ZNF423: variants seen among roughly 807,000 people sequenced by gnomAD.
ZNF423 encodes the protein Ebf-associated zinc finger protein.
Under a neutral mutation model 95.8 loss-of-function variants are expected in ZNF423, and 12 were observed. The ratio of observed to expected loss-of-function variants is 0.13; its 90% CI spans 0.08 to 0.20. ZNF423 has a LOEUF of 0.20. Among genes scored for constraint, ZNF423 ranks in the 10% least tolerant of loss-of-function variants. The pLI is 1.00. For synonymous variants in ZNF423, 749 were observed against 711.9 expected (o/e 1.05, Z -0.83); for missense variants, 1,316 against 1,737.1 (o/e 0.76, Z 4.31).
intron 3 of ZNF423, among the ~76,000 whole-genome samples, chr16:49,683,887 A>G (rs1192802751): frequency 6.6e-6 from 1 of 152,164 alleles, no homozygotes; most frequent in African/African-American, 2.4e-5. Flanking sequence ...CCTGGGCAAC[A>G]TGGCAAAACC....
At chr16:49,611,558 A>G (rs781168870) in intron 5 of ZNF423, among the ~76,000 whole-genome samples, 76 of 152,154 alleles carry the variant, frequency 5.0e-4, no homozygotes, top group Admixed American at 1.4e-3. Context: ...GTCTCAAATC[A>G]TTAATTAAGC....
intron 1 of ZNF423, among the ~76,000 whole-genome samples, chr16:49,829,665 C>A (rs2035041879): frequency 6.6e-6 from 1 of 152,096 alleles, no homozygotes; most frequent in East Asian, 1.9e-4. Flanking sequence ...GCCCTACCTC[C>A]AGATTGGATT....
chr16:49,710,897 G>T (rs760457959), intron 3 of ZNF423, among the ~76,000 whole-genome samples: 2 of 152,136 alleles, frequency 1.3e-5, no homozygotes, highest in African/African-American at 2.4e-5. Flanking sequence ...CCACCCCCAG[G>T]CTTCACTTGG....
intron 3 of ZNF423, among the ~76,000 whole-genome samples, chr16:49,654,283 C>G (rs966401183): frequency 6.6e-6 from 1 of 152,256 alleles, no homozygotes; most frequent in African/African-American, 2.4e-5. Flanking sequence ...TGGGGGCCAG[C>G]TCTGCCCACC....
At chr16:49,854,558 T>C (rs2241217) in intron 1 of ZNF423, 252,798 of 985,304 alleles carry the variant, frequency 0.26, 32,712 homozygotes, top group African/African-American at 0.28. Flanking sequence ...TGGGGGCTTT[T>C]GGCTCCGTAG....
intron 1 of ZNF423, among the ~76,000 whole-genome samples, chr16:49,809,202 C>T (rs185839532): frequency 5.6e-4 from 86 of 152,334 alleles, no homozygotes; most frequent in Non-Finnish European, 9.7e-4. Context: ...CAGTTTGGCT[C>T]CCTTCGATCA....
intron 7 of ZNF423, among the ~76,000 whole-genome samples, chr16:49,516,337 A>G (rs1424571196): frequency 6.6e-6 from 1 of 152,242 alleles, no homozygotes; most frequent in Non-Finnish European, 1.5e-5. Context: ...GCAAACTCCA[A>G]GGAGAGGGAA....
intron 1 of ZNF423, among the ~76,000 whole-genome samples, chr16:49,815,719 A>G (rs1349826006): frequency 1.3e-5 from 2 of 151,512 alleles, no homozygotes; most frequent in East Asian, 3.9e-4. Context: ...CGAGGAACAG[A>G]GCACGCAGGC....
chr16:49,599,322 A>G (rs1056880047), intron 5 of ZNF423, among the ~76,000 whole-genome samples: 2 of 152,234 alleles, frequency 1.3e-5, no homozygotes, highest in African/African-American at 4.8e-5. Flanking sequence ...CACTGCAATC[A>G]GTATACAACA....
At chr16:49,576,290 G>A (rs1970498320) in intron 5 of ZNF423, among the ~76,000 whole-genome samples, 3 of 152,180 alleles carry the variant, frequency 2.0e-5, no homozygotes, top group Admixed American at 2.0e-4. Flanking sequence ...AGCTGACTGG[G>A]GTGCCTGGCC....
chr16:49,526,564 G>GT (rs1239061613), intron 5 of ZNF423, among the ~76,000 whole-genome samples: 1 of 152,192 alleles, frequency 6.6e-6, no homozygotes, highest in Non-Finnish European at 1.5e-5. Flanking sequence ...CTCATGTGCA[G>GT]TAAGATGGGG....
intron 5 of ZNF423, among the ~76,000 whole-genome samples, chr16:49,551,039 T>A (rs1969613776): frequency 6.6e-6 from 1 of 152,118 alleles, no homozygotes; most frequent in Non-Finnish European, 1.5e-5. Context: ...ATCAGCACCA[T>A]CTCTCCCCAC....
At chr16:49,613,047 A>G (rs1971776186) in intron 5 of ZNF423, among the ~76,000 whole-genome samples, 1 of 152,100 alleles carries the variant, frequency 6.6e-6, no homozygotes, top group Non-Finnish European at 1.5e-5. Context: ...ATGGAGAAAC[A>G]TACCATGTTA....
At chr16:49,700,629 G>T (rs78980724) in intron 3 of ZNF423, among the ~76,000 whole-genome samples, 2,152 of 152,338 alleles carry the variant, frequency 0.014, 42 homozygotes, top group African/African-American at 0.049. Context: ...GAACGCAGCC[G>T]CCAGCGCCCT....
intron 2 of ZNF423, among the ~76,000 whole-genome samples, chr16:49,752,454 C>G: frequency 6.6e-6 from 1 of 152,220 alleles, no homozygotes. Flanking sequence ...CCTTTCTGAC[C>G]ATAGCAACAT....
intron 5 of ZNF423, among the ~76,000 whole-genome samples, chr16:49,535,695 C>A (rs1220107615): frequency 1.3e-5 from 2 of 152,192 alleles, no homozygotes; most frequent in African/African-American, 2.4e-5. Flanking sequence ...TCCTCACACA[C>A]ATCCCCTTTT....
intron 3 of ZNF423, among the ~76,000 whole-genome samples, chr16:49,677,349 G>A (rs1253286181): frequency 5.2e-4 from 10 of 19,370 alleles, no homozygotes; most frequent in Non-Finnish European, 7.5e-4. Context: ...AGGGGAGGAG[G>A]GGAGGGGAGG....
At chr16:49,491,330 A>T (rs2151640563) in intron 7 of ZNF423, 26 bp from the exon 8 acceptor site, 1 of 1,613,900 alleles carries the variant, frequency 6.2e-7, no homozygotes, top group Non-Finnish European at 8.5e-7. Context: ...AAGGAGACAC[A>T]CATGAAGGAG....
intron 7 of ZNF423, among the ~76,000 whole-genome samples, chr16:49,504,504 C>T (rs937537395): frequency 8.5e-5 from 13 of 152,138 alleles, no homozygotes; most frequent in Non-Finnish European, 1.9e-4. Context: ...ATCACTTGAA[C>T]CCAGGAAGCG....
Sources: gnomAD v4.1 joint callset for allele counts (sites outside exome capture counted in the v4.1 genomes callset) on GRCh38, gnomAD v4.1.1 for gene constraint, MANE v1.5 for transcripts, NCBI Gene and HGNC (gene_info 2026-07-23, HGNC 2026-07-21) for gene names.